Variants in CHD7 observed in about 807,000 individuals in gnomAD.
CHD7 encodes chromodomain helicase DNA binding protein 7.
Under a neutral mutation model 307.3 loss-of-function variants are expected in CHD7, and 24 were observed. That is an observed-to-expected ratio of 0.08 (90% CI 0.06 to 0.11). The LOEUF (loss-of-function observed/expected upper bound fraction) is 0.11. Among genes scored for constraint, CHD7 ranks in the 10% least tolerant of loss-of-function variants. The pLI, the probability that CHD7 is intolerant of heterozygous loss-of-function variation, is 1.00. For missense variants in CHD7, 3,106 were observed against 3,727.1 expected (o/e 0.83, Z 4.34); for synonymous variants, 1,363 against 1,349.9 (o/e 1.01, Z -0.21).
At chr8:60,744,999 A>G (rs1005897640) in intron 2 of CHD7, among the ~76,000 whole-genome samples, 12 of 150,136 alleles carry the variant, frequency 8.0e-5, no homozygotes, top group African/African-American at 2.9e-4. Context: ...GCTTCAGGGA[A>G]GCTGCCCTCA....
chr8:60,859,939 G>A (rs757145535), intron 34 of CHD7, among the ~76,000 whole-genome samples: 18 of 152,218 alleles, frequency 1.2e-4, no homozygotes, highest in Non-Finnish European at 2.4e-4. Context: ...CAGCGTAGTG[G>A]TGTGGAGGTT....
intron 23 of CHD7, 97 bp downstream of exon 23, chr8:60,845,506 C>G: frequency 7.3e-7 from 1 of 1,367,460 alleles, no homozygotes; most frequent in Non-Finnish European, 1.0e-6. Context: ...ATGCAGAACT[C>G]GCAGATTTGG....
At chr8:60,819,473 A>C (rs1489607467) in intron 8 of CHD7, among the ~76,000 whole-genome samples, 1 of 152,238 alleles carries the variant, frequency 6.6e-6, no homozygotes, top group Non-Finnish European at 1.5e-5. Flanking sequence ...TAAATGAGGT[A>C]CTAATATTGG....
intron 9 of CHD7, 117 bp from the exon 10 acceptor site, chr8:60,821,673 A>C (rs1412023350): frequency 1.4e-6 from 1 of 731,702 alleles, no homozygotes; most frequent in East Asian, 2.9e-5. Flanking sequence ...TATATGTATA[A>C]ACATATATAT....
chr8:60,717,601 A>G (rs898815690), intron 1 of CHD7, among the ~76,000 whole-genome samples: 2 of 152,156 alleles, frequency 1.3e-5, no homozygotes, highest in African/African-American at 2.4e-5. Flanking sequence ...GTGTAAGGTA[A>G]CTACCCCTGA....
At chr8:60,856,959 G>A in intron 34 of CHD7, 71 bp downstream of exon 34, 1 of 1,364,996 alleles carries the variant, frequency 7.3e-7, no homozygotes. Context: ...TGCTCACGAT[G>A]CTGGGCTGTG....
chr8:60,727,320 GT>G (rs1808217802), intron 1 of CHD7, among the ~76,000 whole-genome samples: 1 of 152,014 alleles, frequency 6.6e-6, no homozygotes, highest in East Asian at 1.9e-4. Context: ...TAGAGACGGG[GT>G]TTCCCCATGT....
chr8:60,852,343 T>C (rs1805492477), intron 29 of CHD7, 96 bp downstream of exon 29: 1 of 1,335,062 alleles, frequency 7.5e-7, no homozygotes, highest in Non-Finnish European at 1.0e-6. Flanking sequence ...TCAAAGGTAG[T>C]GACCACCAAA....
intron 34 of CHD7, among the ~76,000 whole-genome samples, chr8:60,860,046 T>C (rs893274030): frequency 6.6e-6 from 1 of 152,136 alleles, no homozygotes; most frequent in Admixed American, 6.5e-5. Context: ...ATGGTAGAGC[T>C]GTGGGGAAGG....
At chr8:60,724,271 G>C (rs1278697599) in intron 1 of CHD7, among the ~76,000 whole-genome samples, 3 of 152,174 alleles carry the variant, frequency 2.0e-5, no homozygotes, top group Non-Finnish European at 4.4e-5. Context: ...TCTTATTACA[G>C]CACAAGAGTT....
chr8:60,855,304 G>C (rs565282200), intron 32 of CHD7: 1 of 152,368 alleles, frequency 6.6e-6, no homozygotes, highest in Admixed American at 6.5e-5. Context: ...CCTTTATTGA[G>C]TGTAGGAGGG....
In CHD7 at chr8:60,800,436, C is replaced by G. The variant is rs758639665; in HGVS notation, c.2287C>G (p.Leu763Val). 8.1e-6 allele frequency: 13 copies of G among 1,613,666 alleles called. No individual in the cohort carries two copies. The highest frequency in any genetic ancestry group is 1.0e-5 in the Non-Finnish European group (12 of 1,179,818). The change falls in exon 5 of 38, where the codon CTG becomes GTG. Residue 763 changes from leucine to valine, a missense_variant. Coordinates refer to ENST00000423902, the MANE Select transcript of CHD7 (RefSeq NM_017780.4). ...QVKRKRYTED[L>V]EFKISDEEAD... Reference sequence around the variant, plus strand: ...GAAGAGAAAGCGCTACACTGAAGACCTGGAGTTCAAGATTTCTGATGAGGA... The same window carrying G: ...GAAGAGAAAGCGCTACACTGAAGACGTGGAGTTCAAGATTTCTGATGAGGA...
intron 7 of CHD7, among the ~76,000 whole-genome samples, chr8:60,814,045 A>G (rs1485797071): frequency 1.3e-5 from 2 of 152,104 alleles, no homozygotes; most frequent in East Asian, 3.8e-4. Context: ...GCTTCATAAT[A>G]TTTTTCTTAC....
At chr8:60,683,958 A>G (rs1805754515) in intron 1 of CHD7, among the ~76,000 whole-genome samples, 1 of 152,018 alleles carries the variant, frequency 6.6e-6, no homozygotes, top group African/African-American at 2.4e-5. Context: ...TGCAGAGATA[A>G]TTATTTCAAG....
chr8:60,724,364 G>A (rs1387423614), intron 1 of CHD7, among the ~76,000 whole-genome samples: 1 of 152,252 alleles, frequency 6.6e-6, no homozygotes, highest in Non-Finnish European at 1.5e-5. Flanking sequence ...TAAACTGGGA[G>A]CAAGGAAAGT....
At chr8:60,839,728 T>C (rs1021453305) in intron 19 of CHD7, among the ~76,000 whole-genome samples, 1 of 152,244 alleles carries the variant, frequency 6.6e-6, no homozygotes, top group Non-Finnish European at 1.5e-5. Flanking sequence ...ATTGGCCAGA[T>C]GTAGATCATC....
At chr8:60,850,657 A>G (rs1285329967) in intron 26 of CHD7, 35 bp downstream of exon 26, 2 of 1,580,898 alleles carry the variant, frequency 1.3e-6, no homozygotes, top group Admixed American at 1.8e-5. Flanking sequence ...AATAAACTTT[A>G]TGTCAGTTTC....
At position 60,786,094 on chromosome 8, in the gene CHD7, C is replaced by T. The variant is rs532290337; in HGVS notation, c.2096+4664C>T. Among the ~76,000 whole-genome samples, 10 of 152,190 alleles carry T rather than the reference C, an allele frequency of 6.6e-5. No homozygotes were observed. In the South Asian group the frequency reaches 2.1e-3, roughly 31 times the overall value. On this transcript the variant is annotated intron_variant, in intron 3 of 37. Coordinates refer to ENST00000423902, the MANE Select transcript of CHD7 (RefSeq NM_017780.4). ...GGTTCATTAAATCCAAGCTTGTGCTCCCTTTCCTGCTGCCTCAAAGGCTGT... is the reference window on the plus strand; with the variant it reads ...GGTTCATTAAATCCAAGCTTGTGCTTCCTTTCCTGCTGCCTCAAAGGCTGT...
At chr8:60,840,769 C>A (rs185697338) in intron 19 of CHD7, among the ~76,000 whole-genome samples, 1 of 152,044 alleles carries the variant, frequency 6.6e-6, no homozygotes, top group African/African-American at 2.4e-5. Context: ...AGGTGTGCAC[C>A]ACCATGCCTG....
Sources: gnomAD v4.1 joint callset for allele counts (sites outside exome capture counted in the v4.1 genomes callset) on GRCh38, gnomAD v4.1.1 for gene constraint, MANE v1.5 for transcripts, NCBI Gene and HGNC (gene_info 2026-07-23, HGNC 2026-07-21) for gene names.